Variants in CR1L observed in about 807,000 individuals in gnomAD.
CR1L encodes complement C3b/C4b receptor 1 like.
A neutral mutation model predicts 62.3 loss-of-function variants in CR1L; 59 were observed. The observed-to-expected ratio is 0.95, with a 90% confidence interval of 0.77 to 1.18. CR1L has a LOEUF of 1.18. Ranked by LOEUF, CR1L falls within the 50% of genes most tolerant of loss-of-function variation. The probability of loss-of-function intolerance (pLI) is 0.00; values close to 1 mark genes in which losing one functional copy is unlikely to be tolerated. For missense variants in CR1L, 700 were observed against 702.8 expected, an observed-to-expected ratio of 1.00 and a Z score of 0.04; for synonymous variants, 279 against 248.7, an observed-to-expected ratio of 1.12 and a Z score of -1.15.
intron 1 of CR1L, among the ~76,000 whole-genome samples, chr1:207,659,722 A>C (rs1410340570): frequency 2.6e-5 from 4 of 152,204 alleles, no homozygotes; most frequent in Non-Finnish European, 4.4e-5. Flanking sequence ...AAGGAAGTAC[A>C]AAGGGTCAGG....
At chr1:207,710,862 G>C (rs773792320) in intron 10 of CR1L, 5 of 1,343,940 alleles carry the variant, frequency 3.7e-6, no homozygotes, top group Admixed American at 3.5e-5. Flanking sequence ...TATTTGTTTA[G>C]GGGGAGGGAT....
intron 1 of CR1L, among the ~76,000 whole-genome samples, chr1:207,647,741 G>A (rs890638206): frequency 6.6e-6 from 1 of 152,144 alleles, no homozygotes; most frequent in African/African-American, 2.4e-5. Context: ...AAAAGCTAGG[G>A]CAGCAGCAGC....
intron 10 of CR1L, among the ~76,000 whole-genome samples, chr1:207,709,849 G>GA (rs75949956): frequency 2.7e-4 from 39 of 144,660 alleles, no homozygotes; most frequent in Admixed American, 2.3e-3. Context: ...AAAAAAAAAG[G>GA]AAAAAAATGC....
chr1:207,715,628 G>A (rs1347508958), intron 10 of CR1L, among the ~76,000 whole-genome samples: 1 of 152,186 alleles, frequency 6.6e-6, no homozygotes, highest in Non-Finnish European at 1.5e-5. Context: ...TGTGTGGCAA[G>A]AAACTAAATG....
chr1:207,658,177 A>G (rs959283867), intron 1 of CR1L, among the ~76,000 whole-genome samples: 6 of 152,232 alleles, frequency 3.9e-5, no homozygotes, highest in Admixed American at 1.3e-4. Context: ...TTAGAAAAAA[A>G]AGAAAAGCCT....
At chr1:207,688,759 T>C (rs1389366255) in intron 4 of CR1L, among the ~76,000 whole-genome samples, 3 of 152,188 alleles carry the variant, frequency 2.0e-5, no homozygotes, top group Admixed American at 2.0e-4. Context: ...TTTAAAAATA[T>C]TTGTTAATTT....
At chr1:207,678,628 G>A (rs1211726613) in intron 3 of CR1L, among the ~76,000 whole-genome samples, 1 of 152,192 alleles carries the variant, frequency 6.6e-6, no homozygotes, top group Non-Finnish European at 1.5e-5. Flanking sequence ...GAAAGGGAAG[G>A]CCATTGAGCA....
intron 1 of CR1L, among the ~76,000 whole-genome samples, chr1:207,664,078 G>A (rs1166611700): frequency 2.0e-5 from 3 of 152,198 alleles, no homozygotes; most frequent in African/African-American, 7.2e-5. Context: ...AGATGAAATA[G>A]AGGACTTTTT....
chr1:207,701,691 A>G (rs781324444), intron 9 of CR1L, 73 bp downstream of exon 9: 7 of 1,599,944 alleles, frequency 4.4e-6, no homozygotes, highest in Middle Eastern at 1.6e-4. Context: ...ACATCTCAGG[A>G]AGGAAACTAG....
intron 1 of CR1L, among the ~76,000 whole-genome samples, chr1:207,654,894 G>A (rs976610975): frequency 3.9e-5 from 6 of 152,152 alleles, no homozygotes; most frequent in African/African-American, 1.2e-4. Context: ...GTGAGAAAAC[G>A]CACAGAAATG....
In CR1L at chr1:207,664,391, A is replaced by T. The variant is rs1012207948; in HGVS notation, c.98-12998A>T. ...ATATTTTAAAGGATCTAGGGGAATT[A>T]TGCACGTTAACATAGTAATTAGAAT... On this transcript the variant is annotated intron_variant, in intron 1 of 11. Transcript: ENST00000508064. Among the ~76,000 whole-genome samples, 6 of 152,352 alleles carry T rather than the reference A, an allele frequency of 3.9e-5. No individual in the cohort carries two copies. The South Asian group carries it at 1.2e-3, about 32-fold the overall frequency.
chr1:207,695,304 T>A (rs779388523), intron 5 of CR1L, among the ~76,000 whole-genome samples: 38 of 152,006 alleles, frequency 2.5e-4, no homozygotes, highest in Non-Finnish European at 7.4e-5. Context: ...TTTTTTATAT[T>A]TTTTTTATAG....
chr1:207,661,929 T>C (rs1264313613), intron 1 of CR1L, among the ~76,000 whole-genome samples: 3 of 152,144 alleles, frequency 2.0e-5, no homozygotes, highest in Non-Finnish European at 2.9e-5. Flanking sequence ...GGATATGAAA[T>C]TCTGGGTTGA....
intron 9 of CR1L, 39 bp from the exon 10 acceptor site, chr1:207,708,139 G>A: frequency 1.3e-6 from 2 of 1,541,988 alleles, no homozygotes; most frequent in South Asian, 2.3e-5. Context: ...AGTTGATGAG[G>A]TATGTACAGC....
At position 207,694,698 on chromosome 1, in the gene CR1L, T is replaced by C; in HGVS notation, c.809T>C (p.Val270Ala). 6.2e-7 allele frequency: 1 copy of C among 1,611,880 alleles called. No individual in the cohort carries two copies. Among genetic ancestry groups the C allele is most frequent in the Non-Finnish European group, 8.5e-7 (1 of 1,179,710 alleles). The part of the protein sequence containing the change: ...PGFGMKGPSH[V>A]KCQALNKWEP... ...TTTGGCATGAAAGGGCCCTCCCATG[T>C]GAAGTGCCAGGCCCTGAACAAATGG... The change falls in exon 5 of 12, where the codon GTG becomes GCG. Residue 270 changes from valine (V) to alanine (A), a missense_variant. Transcript: ENST00000508064.
intron 7 of CR1L, 57 bp downstream of exon 7, chr1:207,697,930 CA>C (rs890050065): frequency 9.3e-6 from 15 of 1,605,408 alleles, no homozygotes; most frequent in Non-Finnish European, 1.2e-5. Context: ...GGAATTAGTC[CA>C]AAAAGGGGAG....
At position 207,650,788 on chromosome 1, in the gene CR1L, A is replaced by AT. The variant is rs59483254; in HGVS notation, c.97+5473dup. On this transcript the variant is annotated intron_variant, in intron 1 of 11. Coordinates refer to ENST00000508064, the MANE Select transcript of CR1L (RefSeq NM_175710.2). The stretch of plus-strand genomic sequence containing the variant: ...GAACAGTTCAGTGGATGCAGTGTAG[A>AT]TTTTTTTTTTTTTTTGAGACAGAGT... Among the ~76,000 whole-genome samples, 914 of 146,720 alleles carry AT rather than the reference A, an allele frequency of 6.2e-3. 7 individuals are homozygous for AT. Among genetic ancestry groups the AT allele is most frequent in the African/African-American group, 0.019 (744 of 39,842 alleles).
At chr1:207,708,501 AG>A (rs1664305241) in intron 10 of CR1L, among the ~76,000 whole-genome samples, 1 of 152,258 alleles carries the variant, frequency 6.6e-6, no homozygotes, top group Non-Finnish European at 1.5e-5. Flanking sequence ...TAATTTAAAT[AG>A]CCCCCAATTT....
Position 207,709,644 on chromosome 1 carries a change from C to T in CR1L, c.1414+1381C>T, listed in dbSNP as rs144026958. Among the ~76,000 whole-genome samples, 615 of 151,824 alleles carry T rather than the reference C, an allele frequency of 4.1e-3. 3 individuals are homozygous for T. Among genetic ancestry groups the T allele is most frequent in the Admixed American group, 8.5e-3 (129 of 15,244 alleles). ...TTGAGGTCAGGAGTTCAAGACCAGC[C>T]TGGCCAACATGGTGCTACCCCATCT... On this transcript the variant is annotated intron_variant, in intron 10 of 11. Transcript: ENST00000508064.
Sources: gnomAD v4.1 joint callset for allele counts (sites outside exome capture counted in the v4.1 genomes callset) on GRCh38, gnomAD v4.1.1 for gene constraint, MANE v1.5 for transcripts, NCBI Gene and HGNC (gene_info 2026-07-23, HGNC 2026-07-21) for gene names.